The following PRDM16 variants were observed in gnomAD, a reference collection of about 807,000 sequenced individuals.
The protein encoded by PRDM16 is histone-lysine N-methyltransferase PRDM16.
In PRDM16, 23 loss-of-function variants were observed where a neutral mutation model predicts 110.6. The ratio of observed to expected loss-of-function variants is 0.21; its 90% CI spans 0.15 to 0.29. The LOEUF (loss-of-function observed/expected upper bound fraction) is 0.29. PRDM16 is among the 10% of genes least tolerant of loss of function. The probability of loss-of-function intolerance (pLI) is 1.00; values close to 1 mark genes in which losing one functional copy is unlikely to be tolerated. For missense variants in PRDM16, 1,615 were observed against 1,794.3 expected (o/e 0.90, Z 1.81); for synonymous variants, 799 against 781.8 (o/e 1.02, Z -0.37).
intron 1 of PRDM16, among the ~76,000 whole-genome samples, chr1:3,077,843 TC>T (rs1382913821): frequency 6.6e-6 from 1 of 152,166 alleles, no homozygotes; most frequent in Non-Finnish European, 1.5e-5. Flanking sequence ...CACTGGGGTC[TC>T]CCCTAGCCTG....
In PRDM16 at chr1:3,096,119, C is replaced by T. The variant is rs563177857; in HGVS notation, c.37+26823C>T. Among the ~76,000 whole-genome samples the T allele has an allele frequency of 1.3e-3, 191 of 152,218 alleles. 1 individual carries two copies. The highest frequency in any genetic ancestry group is 7.6e-4 in the Non-Finnish European group (52 of 67,998). Reference sequence around the variant, plus strand: ...TCTATTTGGGGTGCAGGGTACGCACCCCATGCTTAGAATGTTCTGGACCCC... The same window carrying T: ...TCTATTTGGGGTGCAGGGTACGCACTCCATGCTTAGAATGTTCTGGACCCC... On this transcript the variant is annotated intron_variant, in intron 1 of 16. Transcript: ENST00000270722.
intron 1 of PRDM16, among the ~76,000 whole-genome samples, chr1:3,169,501 G>A (rs760881559): frequency 9.2e-5 from 14 of 152,146 alleles, no homozygotes; most frequent in East Asian, 1.9e-4. Context: ...CACAGCCTGG[G>A]GCATGTGCTG....
intron 12 of PRDM16, among the ~76,000 whole-genome samples, chr1:3,422,191 T>C (rs1569762122): frequency 8.1e-6 from 1 of 123,052 alleles, no homozygotes; most frequent in African/African-American, 3.3e-5. Flanking sequence ...GATAGATAGG[T>C]AGGCAGACAG....
At chr1:3,415,118 G>A (rs1330778914) in intron 10 of PRDM16, among the ~76,000 whole-genome samples, 1 of 152,202 alleles carries the variant, frequency 6.6e-6, no homozygotes, top group Non-Finnish European at 1.5e-5. Context: ...CAGGGAGGTG[G>A]TGGGCAGGGG....
chr1:3,367,351 G>A (rs1250434093), intron 3 of PRDM16, among the ~76,000 whole-genome samples: 1 of 152,220 alleles, frequency 6.6e-6, no homozygotes, highest in African/African-American at 2.4e-5. Context: ...GGAGGTCTCT[G>A]CTCCATTTGG....
intron 2 of PRDM16, among the ~76,000 whole-genome samples, chr1:3,221,963 G>A (rs1049996881): frequency 3.3e-5 from 5 of 152,210 alleles, no homozygotes; most frequent in Admixed American, 6.5e-5. Flanking sequence ...ATTTAGATGG[G>A]GATACAGTAA....
intron 2 of PRDM16, among the ~76,000 whole-genome samples, chr1:3,187,271 G>A (rs1442670126): frequency 5.9e-5 from 9 of 152,196 alleles, no homozygotes; most frequent in Non-Finnish European, 1.0e-4. Context: ...CCGGCCTCAC[G>A]CAGCCAATTG....
chr1:3,373,919 GACCAGAGCCAACCAAAGCCA>G (rs1642950202), intron 3 of PRDM16, among the ~76,000 whole-genome samples: 1 of 152,228 alleles, frequency 6.6e-6, no homozygotes. Context: ...TGCTGGTGTT[GACCAGAGCCAACCAAAGCCA>G]ACCAGAGCCA....
At position 3,321,556 on chromosome 1, in the gene PRDM16, G is replaced by A. The variant is rs112393009; in HGVS notation, c.439-63596G>A. Among the ~76,000 whole-genome samples the A allele has an allele frequency of 5.0e-3, 751 of 151,410 alleles. 7 individuals carry two copies. The highest frequency in any genetic ancestry group is 0.017 in the African/African-American group (694 of 41,296). On this transcript the variant is annotated intron_variant, in intron 3 of 16. Coordinates refer to ENST00000270722, the MANE Select transcript of PRDM16 (RefSeq NM_022114.4). ...TGTGTGTATGTACGTTTGTGTGTGA[G>A]TGCAAATGTGTGTGAGAGTGTTTGG...
intron 1 of PRDM16, among the ~76,000 whole-genome samples, chr1:3,164,225 G>C (rs1478268000): frequency 6.6e-6 from 1 of 152,264 alleles, no homozygotes; most frequent in Admixed American, 6.5e-5. Context: ...TCGTGGTTTT[G>C]TAAGGTTTGA....
At chr1:3,410,086 ATGTG>A (rs999459734) in intron 8 of PRDM16, among the ~76,000 whole-genome samples, 15 of 106,316 alleles carry the variant, frequency 1.4e-4, no homozygotes, top group African/African-American at 4.5e-4. Context: ...ATGTGTATGA[ATGTG>A]TGTGGTTGTG....
At chr1:3,267,871 G>C (rs1215616937) in intron 3 of PRDM16, among the ~76,000 whole-genome samples, 1 of 152,222 alleles carries the variant, frequency 6.6e-6, no homozygotes, top group Non-Finnish European at 1.5e-5. Context: ...GGTCCATGAC[G>C]TGGATCCTAA....
intron 1 of PRDM16, among the ~76,000 whole-genome samples, chr1:3,119,676 A>G (rs1643046993): frequency 6.6e-6 from 1 of 152,216 alleles, no homozygotes; most frequent in South Asian, 2.1e-4. Context: ...ATCAAGGGCC[A>G]AGGCCTCGGA....
rs979737111 is a variant in PRDM16, at chr1:3,382,977, A to G, written c.439-2175A>G. 3.9e-5 allele frequency among the ~76,000 whole-genome samples: 6 copies of G among 152,130 alleles called. No homozygotes were observed. The highest frequency in any genetic ancestry group is 9.7e-5 in the African/African-American group (4 of 41,434). ...TATATTGAGCATCCCCCCGCCGCCA[A>G]TGTTTTCCTCGGGCTCCAGCCCCTA... On this transcript the variant is annotated intron_variant, in intron 3 of 16. Transcript: ENST00000270722. The surrounding 1 kb of genome is among the most constrained non-coding windows in gnomAD (Gnocchi z 6.6).
In PRDM16 at chr1:3,243,535, G is replaced by A. The variant is rs1322786874; in HGVS notation, c.388-552G>A. Among the ~76,000 whole-genome samples, 1 of 152,192 alleles carries A rather than the reference G, an allele frequency of 6.6e-6. No homozygotes were observed. The highest frequency in any genetic ancestry group is 1.5e-5 in the Non-Finnish European group (1 of 68,046). Reference sequence around the variant, plus strand: ...CGCTGGGCAGAGTCCAGCTCCCCCCGACCTCTGCCTCCTGAGCTGGACTGT... The same window carrying A: ...CGCTGGGCAGAGTCCAGCTCCCCCCAACCTCTGCCTCCTGAGCTGGACTGT... On this transcript the variant is annotated intron_variant, in intron 2 of 16. Coordinates refer to ENST00000270722, the MANE Select transcript of PRDM16 (RefSeq NM_022114.4). The surrounding 1 kb of genome is among the most constrained non-coding windows in gnomAD (Gnocchi z 5.5).
intron 2 of PRDM16, among the ~76,000 whole-genome samples, chr1:3,196,356 C>A (rs2100818404): frequency 6.6e-6 from 1 of 152,380 alleles, no homozygotes; most frequent in East Asian, 1.9e-4. Context: ...CAGCCGATGG[C>A]CCTCTCTGGG....
At chr1:3,236,559 C>A (rs999802588) in intron 2 of PRDM16, among the ~76,000 whole-genome samples, 3 of 152,186 alleles carry the variant, frequency 2.0e-5, no homozygotes, top group Non-Finnish European at 2.9e-5. Flanking sequence ...GGGCCCCACG[C>A]CGGTGGGTGC....
At chr1:3,349,314 G>A (rs1243901412) in intron 3 of PRDM16, among the ~76,000 whole-genome samples, 2 of 152,148 alleles carry the variant, frequency 1.3e-5, no homozygotes, top group Admixed American at 6.5e-5. Flanking sequence ...GCACCGGCAC[G>A]CTGTGAGTGA....
intron 12 of PRDM16, among the ~76,000 whole-genome samples, chr1:3,423,534 C>G (rs1222409764): frequency 6.6e-6 from 1 of 152,208 alleles, no homozygotes; most frequent in Non-Finnish European, 1.5e-5. Flanking sequence ...GTCTGGGAGG[C>G]CAGGACTCCC....
Sources: allele counts gnomAD v4.1 joint callset (sites outside exome capture counted in the v4.1 genomes callset), GRCh38; gene constraint gnomAD v4.1.1; non-coding constraint Gnocchi (gnomAD v3.1); transcripts MANE v1.5; gene names NCBI Gene and HGNC (gene_info 2026-07-23, HGNC 2026-07-21).